Variants in SEPTIN9 observed in about 807,000 individuals in gnomAD.
SEPTIN9 encodes septin 9.
In SEPTIN9, 13 loss-of-function variants were observed where a neutral mutation model predicts 56.6. The ratio of observed to expected loss-of-function variants is 0.23; its 90% CI spans 0.15 to 0.37. The LOEUF is 0.37. Among genes scored for constraint, SEPTIN9 ranks in the 10% least tolerant of loss-of-function variants. SEPTIN9 has a pLI of 1.00. For missense variants in SEPTIN9, 650 were observed against 823.1 expected, an observed-to-expected ratio of 0.79 and a Z score of 2.57; for synonymous variants, 332 against 334.1, an observed-to-expected ratio of 0.99 and a Z score of 0.07.
In SEPTIN9 at chr17:77,318,530, A is replaced by G. The variant is rs545124754; in HGVS notation, c.76+11333A>G. On this transcript the variant is annotated intron_variant, in intron 2 of 11. Coordinates refer to ENST00000427177, the MANE Select transcript of SEPTIN9 (RefSeq NM_001113491.2). This position sits in a 1 kb window ranked among gnomAD's most constrained non-coding sequence, Gnocchi z 4.9. ...TATTCAGCCTTCTCTCGTGACTATG[A>G]TCCCTCCCTTCCTCCCCAGCCTCCC... Among the ~76,000 whole-genome samples the G allele has an allele frequency of 3.9e-5, 6 of 152,060 alleles. No homozygotes were observed. The South Asian group carries it at 1.0e-3, about 26-fold the overall frequency.
intron 2 of SEPTIN9, among the ~76,000 whole-genome samples, chr17:77,364,556 G>A (rs555339600): frequency 9.2e-5 from 14 of 152,330 alleles, no homozygotes; most frequent in Admixed American, 5.9e-4. Context: ...TCCTGTGGAG[G>A]TGTCAACATG....
chr17:77,459,517 C>A (rs895184611), intron 3 of SEPTIN9, among the ~76,000 whole-genome samples: 8 of 152,092 alleles, frequency 5.3e-5, no homozygotes, highest in African/African-American at 1.9e-4. Context: ...GAAACTAATA[C>A]ATTGTGTTCG....
chr17:77,399,405 T>C (rs2035831215), intron 2 of SEPTIN9, among the ~76,000 whole-genome samples: 1 of 152,146 alleles, frequency 6.6e-6, no homozygotes, highest in African/African-American at 2.4e-5. Context: ...CGGCCCCTGC[T>C]CTACAGCACC....
chr17:77,411,865 C>T (rs1016622580), intron 3 of SEPTIN9, among the ~76,000 whole-genome samples: 3 of 152,078 alleles, frequency 2.0e-5, no homozygotes, highest in African/African-American at 7.2e-5. Flanking sequence ...CACAGTGGCT[C>T]ACACCTGTAA....
At position 77,360,654 on chromosome 17, in the gene SEPTIN9, T is replaced by C. The variant is rs548078486; in HGVS notation, c.77-41405T>C. ...ATCTCCGCTCACTGCAAGCTCCGCC[T>C]CCCTGGTTCACACCATTCTCCTGCC... On this transcript the variant is annotated intron_variant, in intron 2 of 11. Transcript: ENST00000427177. 1.5e-3 allele frequency among the ~76,000 whole-genome samples: 228 copies of C among 152,006 alleles called. 3 individuals carry two copies. The highest frequency in any genetic ancestry group is 5.2e-3 in the African/African-American group (216 of 41,448).
chr17:77,365,944 G>A (rs572289855), intron 2 of SEPTIN9, among the ~76,000 whole-genome samples: 3 of 152,272 alleles, frequency 2.0e-5, no homozygotes, highest in South Asian at 4.1e-4. Context: ...CACTGCATCG[G>A]TGGCAAGTTG....
At chr17:77,407,805 T>A (rs2144128355) in intron 3 of SEPTIN9, among the ~76,000 whole-genome samples, 1 of 152,290 alleles carries the variant, frequency 6.6e-6, no homozygotes, top group South Asian at 2.1e-4. Context: ...TCCTTTGGGG[T>A]CATCCCTGGT....
intron 6 of SEPTIN9, 115 bp from the exon 7 acceptor site, chr17:77,488,612 C>A: frequency 7.0e-7 from 1 of 1,438,136 alleles, no homozygotes; most frequent in Non-Finnish European, 9.6e-7. Flanking sequence ...CCAGACCTCC[C>A]AGGGCATGCA....
intron 2 of SEPTIN9, among the ~76,000 whole-genome samples, chr17:77,320,612 C>A (rs760960338): frequency 6.6e-6 from 1 of 152,178 alleles, no homozygotes; most frequent in Non-Finnish European, 1.5e-5. Flanking sequence ...TCTTGCATGT[C>A]ATGGCCACTG....
At chr17:77,362,809 G>A (rs1167813679) in intron 2 of SEPTIN9, among the ~76,000 whole-genome samples, 1 of 152,220 alleles carries the variant, frequency 6.6e-6, no homozygotes, top group African/African-American at 2.4e-5. Context: ...AATAGAAGAA[G>A]GGTCCAGAGG....
chr17:77,474,291 G>A (rs964297286), intron 3 of SEPTIN9, among the ~76,000 whole-genome samples: 2 of 152,224 alleles, frequency 1.3e-5, no homozygotes, highest in African/African-American at 4.8e-5. Context: ...TCTCAAGTAA[G>A]CATCTGTGTC....
At chr17:77,386,352 C>T (rs924455379) in intron 2 of SEPTIN9, among the ~76,000 whole-genome samples, 2 of 152,162 alleles carry the variant, frequency 1.3e-5, no homozygotes, top group African/African-American at 4.8e-5. Context: ...CCCTGTAGCC[C>T]ACGCTGTCCG....
At chr17:77,350,295 C>G (rs530201910) in intron 2 of SEPTIN9, among the ~76,000 whole-genome samples, 15 of 152,328 alleles carry the variant, frequency 9.8e-5, no homozygotes, top group Non-Finnish European at 1.5e-4. Flanking sequence ...CTGGGGTTAG[C>G]TCCAGAGGGG....
chr17:77,300,417 G>T (rs987003448), intron 1 of SEPTIN9, among the ~76,000 whole-genome samples: 2 of 152,156 alleles, frequency 1.3e-5, no homozygotes, highest in African/African-American at 4.8e-5. Flanking sequence ...AGGGGGTGGG[G>T]GCAAGGCCAG....
chr17:77,482,443 A>G, intron 4 of SEPTIN9, 108 bp downstream of exon 4: 3 of 1,114,006 alleles, frequency 2.7e-6, no homozygotes, highest in Non-Finnish European at 4.0e-6. Context: ...AAAATGGGGC[A>G]GCAACCCTGA....
intron 2 of SEPTIN9, among the ~76,000 whole-genome samples, chr17:77,394,933 G>T (rs1477816150): frequency 2.6e-5 from 4 of 152,204 alleles, no homozygotes; most frequent in Admixed American, 2.6e-4. Context: ...AGCTGAGACC[G>T]TAGGTGCTTG....
At chr17:77,395,758 CCTG>C (rs1237109055) in intron 2 of SEPTIN9, among the ~76,000 whole-genome samples, 2 of 152,132 alleles carry the variant, frequency 1.3e-5, no homozygotes, top group Non-Finnish European at 2.9e-5. Flanking sequence ...CATCTTGTGT[CCTG>C]CTATTTTTAC....
At chr17:77,300,693 C>T (rs1428957546) in intron 1 of SEPTIN9, among the ~76,000 whole-genome samples, 4 of 143,364 alleles carry the variant, frequency 2.8e-5, no homozygotes, top group Non-Finnish European at 3.0e-5. Flanking sequence ...GACGCCCCCA[C>T]CCCAGGCTCA....
chr17:77,395,633 A>G (rs2035685281), intron 2 of SEPTIN9, among the ~76,000 whole-genome samples: 1 of 152,154 alleles, frequency 6.6e-6, no homozygotes, highest in Admixed American at 6.5e-5. Context: ...TGTAATGAAC[A>G]ACACCCACCG....
Sources: gnomAD v4.1 joint callset for allele counts (sites outside exome capture counted in the v4.1 genomes callset) on GRCh38, gnomAD v4.1.1 for gene constraint, Gnocchi (gnomAD v3.1) non-coding constraint, MANE v1.5 for transcripts, NCBI Gene and HGNC (gene_info 2026-07-23, HGNC 2026-07-21) for gene names.